ANKRD28: variants seen among roughly 807,000 people sequenced by gnomAD.
ANKRD28 encodes the protein serine/threonine-protein phosphatase 6 regulatory ankyrin repeat subunit A.
A neutral mutation model predicts 126.5 loss-of-function variants in ANKRD28; 44 were observed. The ratio of observed to expected loss-of-function variants is 0.35; its 90% CI spans 0.27 to 0.45. The LOEUF (loss-of-function observed/expected upper bound fraction) is 0.45, where lower values mean the gene tolerates loss of function less well. ANKRD28 is among the 20% of genes least tolerant of loss of function. The pLI is 1.00. For synonymous variants in ANKRD28, 442 were observed against 468.5 expected, an observed-to-expected ratio of 0.94 and a Z score of 0.73; for missense variants, 1,110 against 1,316.6, an observed-to-expected ratio of 0.84 and a Z score of 2.43.
chr3:15,670,120 C>G lies in ANKRD28; in HGVS notation c.*150G>C. On this transcript the variant is annotated 3_prime_UTR_variant, in exon 28 of 28. Transcript: ENST00000683139. ...TTTTGTAAAACTTGCCTTTAAAACTCTTCCTCCTAATGCCATCAGATCTCT... is the reference window on the plus strand; with the variant it reads ...TTTTGTAAAACTTGCCTTTAAAACTGTTCCTCCTAATGCCATCAGATCTCT... The G allele has an allele frequency of 2.3e-6, 2 of 856,388 alleles. No individual in the cohort carries two copies. The highest frequency in any genetic ancestry group is 4.2e-5 in the South Asian group (2 of 48,144). The allele number at this position is 856,388 out of a possible 1,614,324, so 53.0% of individuals were successfully genotyped here.
At chr3:15,759,134 T>C (rs892945893) in intron 3 of ANKRD28, among the ~76,000 whole-genome samples, 1 of 152,154 alleles carries the variant, frequency 6.6e-6, no homozygotes, top group Admixed American at 6.5e-5. Flanking sequence ...AAAAGCTAAA[T>C]AGGTGGTTGG....
intron 3 of ANKRD28, among the ~76,000 whole-genome samples, chr3:15,753,726 T>C (rs2125398105): frequency 7.2e-6 from 1 of 139,622 alleles, no homozygotes; most frequent in South Asian, 2.1e-4. Context: ...GCAGATTGCT[T>C]GAAGACAGGA....
upstream of ANKRD28, among the ~76,000 whole-genome samples, chr3:15,799,188 TAAC>T (rs1384293078): frequency 6.6e-6 from 1 of 152,008 alleles, no homozygotes; most frequent in Non-Finnish European, 1.5e-5. Flanking sequence ...AAAGTGATCT[TAAC>T]AAACAGGTAA....
chr3:15,692,337 T>C lies in ANKRD28; in HGVS notation c.1762-2117A>G, dbSNP rs1322447621. Among the ~76,000 whole-genome samples, 4 of 152,110 alleles carry C rather than the reference T, an allele frequency of 2.6e-5. No individual in the cohort carries two copies. In the East Asian group the frequency reaches 5.8e-4, roughly 22 times the overall value. On this transcript the variant is annotated intron_variant, in intron 17 of 27. Coordinates refer to ENST00000683139, the MANE Select transcript of ANKRD28 (RefSeq NM_001349278.2). ...GGTGGTGTGCACCTATAGTCCTAGC[T>C]ACTCAGAAGGCTGAGGGAGGGAGGC...
rs1288047153 is a variant in ANKRD28, at chr3:15,696,353, T to C, written c.1548-108A>G. On this transcript the variant is annotated intron_variant, in intron 14 of 27. Transcript: ENST00000683139. ...GACAATTTTTCTTATACTTGAGTAATATAAAAATCATAAATGTATTACACT... is the reference window on the plus strand; with the variant it reads ...GACAATTTTTCTTATACTTGAGTAACATAAAAATCATAAATGTATTACACT... The C allele has an allele frequency of 1.1e-5, 7 of 660,242 alleles. No individual in the cohort carries two copies. The East Asian group carries it at 2.0e-4, about 19-fold the overall frequency. 40.9% of individuals were successfully genotyped at this position (660,242 alleles called of 1,614,324 possible).
At chr3:15,736,839 G>T (rs921233560) in intron 5 of ANKRD28, among the ~76,000 whole-genome samples, 194 bp downstream of exon 5, 1 of 152,104 alleles carries the variant, frequency 6.6e-6, no homozygotes, top group Admixed American at 6.6e-5. Context: ...GTCACCACAG[G>T]TTAACTGTGC....
At chr3:15,790,468 G>A (rs1222650491) in intron 2 of ANKRD28, among the ~76,000 whole-genome samples, 1 of 151,878 alleles carries the variant, frequency 6.6e-6, no homozygotes, top group Non-Finnish European at 1.5e-5. Context: ...TTTATCTGTG[G>A]GATGCAAGGA....
At chr3:15,762,208 A>C (rs1275418344) in intron 3 of ANKRD28, among the ~76,000 whole-genome samples, 9 of 33,204 alleles carry the variant, frequency 2.7e-4, no homozygotes, top group African/African-American at 5.4e-4. Context: ...AAAAAAAAAA[A>C]AAAAACAAAA....
chr3:15,832,519 A>G (rs1397392646), intron 1 of ANKRD28, among the ~76,000 whole-genome samples: 1 of 152,232 alleles, frequency 6.6e-6, no homozygotes, highest in African/African-American at 2.4e-5. Flanking sequence ...TCTTACATGC[A>G]CTTACTGCAT....
At chr3:15,805,745 C>T (rs562763065) in intron 1 of ANKRD28, among the ~76,000 whole-genome samples, 3 of 152,188 alleles carry the variant, frequency 2.0e-5, no homozygotes, top group Admixed American at 2.0e-4. Context: ...AGTTAATGCA[C>T]TTTAAAAGCT....
chr3:15,772,463 G>T (rs1303221832), intron 2 of ANKRD28, among the ~76,000 whole-genome samples: 1 of 152,110 alleles, frequency 6.6e-6, no homozygotes, highest in African/African-American at 2.4e-5. Context: ...CATCAACAGA[G>T]ACATAAATAT....
In ANKRD28 at chr3:15,712,221, G is replaced by A. The variant is rs1485915115; in HGVS notation, c.1192C>T (p.Arg398Cys). The A allele has an allele frequency of 1.5e-5, 24 of 1,574,620 alleles. No individual in the cohort carries two copies. The highest frequency in any genetic ancestry group is 2.0e-5 in the Non-Finnish European group (23 of 1,158,936). The change falls in exon 11 of 28, where the codon CGT becomes TGT. Residue 398 changes from arginine to cysteine, a missense_variant and splice_region_variant. Arg to Cys is a radical substitution (Grantham distance 180). Coordinates refer to ENST00000683139, the MANE Select transcript of ANKRD28 (RefSeq NM_001349278.2). ...LITSGADTAK[R>C]GIHGMFPLHL... ...AGGGGGAACATTCCATGTATGCCAC[G>A]CCTAAAGTTAATAGAACAGGACAGT...
intron 4 of ANKRD28, among the ~76,000 whole-genome samples, chr3:15,739,816 G>A (rs1029674466): frequency 2.6e-5 from 4 of 152,170 alleles, no homozygotes; most frequent in Non-Finnish European, 4.4e-5. Flanking sequence ...ACTTAACAGG[G>A]ATGGCAAAAG....
intron 10 of ANKRD28, 64 bp from the exon 11 acceptor site, chr3:15,712,286 A>G (rs1219042177): frequency 2.3e-6 from 3 of 1,306,326 alleles, no homozygotes; most frequent in African/African-American, 2.9e-5. Flanking sequence ...TCAGTTAAAT[A>G]CATTACAAAG....
chr3:15,675,458 C>T (rs546670564), intron 27 of ANKRD28, among the ~76,000 whole-genome samples: 1 of 152,140 alleles, frequency 6.6e-6, no homozygotes, highest in South Asian at 2.1e-4. Context: ...AGGAATAATA[C>T]AGGAAGAGAG....
upstream of ANKRD28, among the ~76,000 whole-genome samples, chr3:15,799,789 C>G (rs1300843743): frequency 3.3e-5 from 5 of 151,852 alleles, no homozygotes; most frequent in African/African-American, 7.3e-5. Context: ...TAGGTCTTTC[C>G]CAACCAGAAA....
At chr3:15,768,215 T>C (rs919347630) in intron 2 of ANKRD28, among the ~76,000 whole-genome samples, 2 of 152,202 alleles carry the variant, frequency 1.3e-5, no homozygotes, top group Non-Finnish European at 2.9e-5. Flanking sequence ...AATGAAAAAT[T>C]ATACTTCATT....
chr3:15,737,643 T>C (rs2075118770), intron 4 of ANKRD28, among the ~76,000 whole-genome samples: 1 of 120,840 alleles, frequency 8.3e-6, no homozygotes, highest in South Asian at 2.8e-4. Context: ...TTTTTAGTTA[T>C]TTTGTAGAGA....
intron 1 of ANKRD28, among the ~76,000 whole-genome samples, chr3:15,822,295 T>G (rs916310938): frequency 1.2e-4 from 19 of 152,210 alleles, no homozygotes; most frequent in Non-Finnish European, 2.6e-4. Context: ...TGGGCTTTTT[T>G]GGGGAGTTGT....
Sources: gnomAD v4.1 joint callset for allele counts (sites outside exome capture counted in the v4.1 genomes callset) on GRCh38, gnomAD v4.1.1 for gene constraint, MANE v1.5 for transcripts, NCBI Gene and HGNC (gene_info 2026-07-23, HGNC 2026-07-21) for gene names.